Variants in ZRANB3 observed in about 807,000 individuals in gnomAD.
ZRANB3 encodes zinc finger RANBP2-type containing 3.
ZRANB3 carries 125 observed loss-of-function variants against 133.8 expected under a neutral mutation model. That is an observed-to-expected ratio of 0.93 (90% confidence interval 0.81 to 1.08). The LOEUF (loss-of-function observed/expected upper bound fraction) is 1.08. ZRANB3 is among the 50% of genes least tolerant of loss of function. The pLI is 0.00. For synonymous variants in ZRANB3, 387 were observed against 432.7 expected (o/e 0.89, Z 1.31); for missense variants, 1,229 against 1,275.5 (o/e 0.96, Z 0.56).
At chr2:135,426,498 C>A (rs1459473127) in intron 2 of ZRANB3, among the ~76,000 whole-genome samples, 1 of 152,010 alleles carries the variant, frequency 6.6e-6, no homozygotes, top group Non-Finnish European at 1.5e-5. Flanking sequence ...CTACCATGAT[C>A]AAGTAGGCTT....
At chr2:135,304,713 G>A (rs1048701398) in intron 8 of ZRANB3, among the ~76,000 whole-genome samples, 1 of 151,970 alleles carries the variant, frequency 6.6e-6, no homozygotes, top group Admixed American at 6.6e-5. Context: ...AATTTTTCTA[G>A]TTGATACAGG....
chr2:135,349,303 A>G lies in ZRANB3; in HGVS notation c.591+681T>C, dbSNP rs189836701. Among the ~76,000 whole-genome samples, 160 of 152,292 alleles carry G rather than the reference A, an allele frequency of 1.1e-3. 1 individual carries two copies. The highest frequency in any genetic ancestry group is 6.8e-3 in the Middle Eastern group (2 of 294). ...AGTATTACCTTTAATTCTCCCAGCA[A>G]CCCTACATGACAGCCCATGTTTTTC... is the stretch of plus-strand genomic sequence containing the variant. On this transcript the variant is annotated intron_variant, in intron 5 of 20. Coordinates refer to ENST00000264159, the MANE Select transcript of ZRANB3 (RefSeq NM_032143.4).
At chr2:135,437,145 A>C (rs1233979899) in intron 2 of ZRANB3, among the ~76,000 whole-genome samples, 1 of 152,156 alleles carries the variant, frequency 6.6e-6, no homozygotes, top group African/African-American at 2.4e-5. Flanking sequence ...CTTTTAGTAG[A>C]GATGGGGTTT....
intron 1 of ZRANB3, among the ~76,000 whole-genome samples, chr2:135,525,544 G>A (rs547700093): frequency 3.3e-5 from 5 of 152,084 alleles, no homozygotes; most frequent in African/African-American, 9.7e-5. Flanking sequence ...GTATATATCC[G>A]AAAGAACTGA....
intron 6 of ZRANB3, among the ~76,000 whole-genome samples, chr2:135,340,948 T>G (rs1684623876): frequency 6.7e-6 from 1 of 149,774 alleles, no homozygotes; most frequent in African/African-American, 2.6e-5. Flanking sequence ...TTTAGTAATA[T>G]TCTTGAGTCT....
intron 17 of ZRANB3, among the ~76,000 whole-genome samples, chr2:135,217,241 T>C (rs886238812): frequency 1.3e-5 from 2 of 152,312 alleles, no homozygotes; most frequent in Middle Eastern, 3.4e-3. Context: ...ATGGGACTCA[T>C]GGAGAGTAAG....
intron 2 of ZRANB3, among the ~76,000 whole-genome samples, chr2:135,417,643 T>TA (rs1188147842): frequency 6.6e-6 from 1 of 152,226 alleles, no homozygotes; most frequent in African/African-American, 2.4e-5. Flanking sequence ...ATCATGCTGC[T>TA]ATAAAGACAC....
rs1689043085 is a variant in ZRANB3, at chr2:135,425,920, G to T, written c.162-35100C>A. On this transcript the variant is annotated intron_variant, in intron 2 of 20. Transcript: ENST00000264159. The stretch of plus-strand genomic sequence containing the variant: ...CAATGAATCCAGGGATTGGTTTTTT[G>T]AAAGAATAAATAGATAGACCACTAG... 4.0e-5 allele frequency among the ~76,000 whole-genome samples: 6 copies of T among 151,536 alleles called. 1 individual carries two copies. The highest frequency in any genetic ancestry group is 3.9e-4 in the Admixed American group (6 of 15,218).
At chr2:135,505,675 T>A (rs1693146297) in intron 1 of ZRANB3, among the ~76,000 whole-genome samples, 1 of 152,102 alleles carries the variant, frequency 6.6e-6, no homozygotes, top group African/African-American at 2.4e-5. Context: ...CTGTGTCTAC[T>A]AAGAAGGTCA....
intron 3 of ZRANB3, 131 bp downstream of exon 3, chr2:135,390,671 A>T: frequency 7.4e-7 from 1 of 1,346,532 alleles, no homozygotes; most frequent in Middle Eastern, 1.9e-4. Context: ...TCACCCTCCC[A>T]TCTTTCTCTC....
chr2:135,504,590 T>C (rs1302148849), intron 1 of ZRANB3, 94 bp from the exon 2 acceptor site: 1 of 1,121,926 alleles, frequency 8.9e-7, no homozygotes, highest in Non-Finnish European at 1.2e-6. Flanking sequence ...ATTAAAGTAC[T>C]TATAAATAGC....
intron 12 of ZRANB3, among the ~76,000 whole-genome samples, chr2:135,262,178 A>G (rs1450298008): frequency 6.6e-6 from 1 of 151,108 alleles, no homozygotes; most frequent in African/African-American, 2.4e-5. Context: ...AAAAAAAAAA[A>G]AACAAAGAAA....
At chr2:135,425,929 A>G (rs1689043489) in intron 2 of ZRANB3, among the ~76,000 whole-genome samples, 2 of 152,052 alleles carry the variant, frequency 1.3e-5, no homozygotes, top group Admixed American at 1.3e-4. Context: ...TGAAAGAATA[A>G]ATAGATAGAC....
chr2:135,521,362 C>T (rs968506348), intron 1 of ZRANB3, among the ~76,000 whole-genome samples: 32 of 152,094 alleles, frequency 2.1e-4, no homozygotes, highest in Admixed American at 2.1e-3. Flanking sequence ...GCCTCATCAA[C>T]ATGGTGAAAC....
chr2:135,331,220 C>T (rs1208453343), intron 6 of ZRANB3, among the ~76,000 whole-genome samples: 3 of 152,180 alleles, frequency 2.0e-5, no homozygotes, highest in African/African-American at 7.2e-5. Flanking sequence ...TTTCCCTCTA[C>T]ACACTGCTTT....
intron 6 of ZRANB3, among the ~76,000 whole-genome samples, chr2:135,326,966 T>C (rs1414136426): frequency 6.6e-6 from 1 of 151,544 alleles, no homozygotes. Context: ...TGAAACATTT[T>C]ATAGATAAAA....
intron 2 of ZRANB3, among the ~76,000 whole-genome samples, chr2:135,480,115 T>C (rs940187833): frequency 6.7e-6 from 1 of 148,532 alleles, no homozygotes. Context: ...TTTTTTTTTT[T>C]GTATTTTTAG....
At chr2:135,339,955 T>A (rs1684559030) in intron 6 of ZRANB3, among the ~76,000 whole-genome samples, 1 of 152,164 alleles carries the variant, frequency 6.6e-6, no homozygotes, top group Admixed American at 6.5e-5. Context: ...CACAATCAAA[T>A]ATATTCCTTT....
chr2:135,296,889 A>G (rs1475832872), intron 8 of ZRANB3, among the ~76,000 whole-genome samples: 1 of 152,138 alleles, frequency 6.6e-6, no homozygotes, highest in Non-Finnish European at 1.5e-5. Flanking sequence ...CTGCAGAACA[A>G]CAGATATTGG....
Sources: gnomAD v4.1 joint callset for allele counts (sites outside exome capture counted in the v4.1 genomes callset) on GRCh38, gnomAD v4.1.1 for gene constraint, MANE v1.5 for transcripts, NCBI Gene and HGNC (gene_info 2026-07-23, HGNC 2026-07-21) for gene names.